The following SPTBN2 variants were observed in gnomAD, a reference collection of about 807,000 sequenced individuals.
The protein encoded by SPTBN2 is spectrin beta, non-erythrocytic 2, also known as spectrin beta chain, non-erythrocytic 2.
Under a neutral mutation model 284.2 loss-of-function variants are expected in SPTBN2, and 107 were observed. The observed-to-expected ratio is 0.38, with a 90% CI of 0.32 to 0.44. The LOEUF (loss-of-function observed/expected upper bound fraction) is 0.44, where lower values mean the gene tolerates loss of function less well. Among genes scored for constraint, SPTBN2 ranks in the 20% least tolerant of loss-of-function variants. The pLI is 1.00. For missense variants in SPTBN2, 2,569 were observed against 3,287.1 expected (o/e 0.78, Z 5.34); for synonymous variants, 1,289 against 1,354.8 (o/e 0.95, Z 1.07).
intron 7 of SPTBN2, 123 bp downstream of exon 7, chr11:66,713,968 T>C (rs1024257539): frequency 4.6e-6 from 5 of 1,082,602 alleles, no homozygotes; most frequent in African/African-American, 1.5e-5. Context: ...CTGGTTCTGC[T>C]CCGAGTGCTA....
chr11:66,686,464 G>T (rs766004746), intron 36 of SPTBN2, 24 bp from the exon 37 acceptor site: 2 of 1,613,744 alleles, frequency 1.2e-6, no homozygotes, highest in East Asian at 4.5e-5. Context: ...GAGGCCACAG[G>T]GCAGAGCTGA....
chr11:66,722,389 C>A (rs1385633318), intron 1 of SPTBN2, among the ~76,000 whole-genome samples: 2 of 149,976 alleles, frequency 1.3e-5, no homozygotes, highest in Non-Finnish European at 3.0e-5. Flanking sequence ...CCCTGGCTAA[C>A]ACGGTGAAAC....
At chr11:66,741,650 C>T (rs1370163719) in intron 1 of SPTBN2, among the ~76,000 whole-genome samples, 2 of 152,260 alleles carry the variant, frequency 1.3e-5, no homozygotes, top group African/African-American at 4.8e-5. Flanking sequence ...ATACTCAAAG[C>T]CTCCTTGGTT....
At chr11:66,689,759 C>A in intron 29 of SPTBN2, 46 bp downstream of exon 29, 1 of 1,609,932 alleles carries the variant, frequency 6.2e-7, no homozygotes, top group South Asian at 1.1e-5. Flanking sequence ...AGTCAGCGTT[C>A]AGCACTGCAC....
rs748341964 is a variant in SPTBN2 at position 66,715,932 on chromosome 11, C to A, written c.207G>T (p.Ser69=). ...QKKTFTKWVN[S]HLARVTCRVG... ...CCCGGCACGTGACCCGGGCCAGGTG[C>A]GAGTTTACCCACTTGGTGAAGGTTT... The change falls in exon 4 of 38, where the codon TCG becomes TCT. Residue 69 remains serine, a synonymous_variant. Coordinates refer to ENST00000533211, the MANE Select transcript of SPTBN2 (RefSeq NM_006946.4). The surrounding 1 kb of genome is among the most constrained non-coding windows in gnomAD (Gnocchi z 5.3). The A allele has an allele frequency of 2.2e-5, 36 of 1,613,990 alleles. No individual in the cohort carries two copies. The highest frequency in any genetic ancestry group is 3.0e-5 in the Non-Finnish European group (35 of 1,180,026).
At chr11:66,702,565 A>T (rs552722175) in intron 15 of SPTBN2, among the ~76,000 whole-genome samples, 1 of 152,326 alleles carries the variant, frequency 6.6e-6, no homozygotes, top group Admixed American at 6.5e-5. Context: ...TGCTGCGGCA[A>T]CTATTCAGCC....
Position 66,708,157 on chromosome 11 carries a change from T to G in SPTBN2, c.1334A>C (p.Gln445Pro), listed in dbSNP as rs1941667937. The G allele has an allele frequency of 6.2e-7, 1 of 1,613,028 alleles. No homozygotes were observed. Among genetic ancestry groups the G allele is most frequent in the Non-Finnish European group, 8.5e-7 (1 of 1,179,898 alleles). The stretch of plus-strand genomic sequence containing the variant: ...AAGTCCTACCTGGGACACGAGGCGC[T>G]GGTTCTCGCTGAGCCAGGTCTCCCG... ...AMRETWLSEN[Q>P]RLVSQDNFGL... The change falls in exon 12 of 38, where the codon CAG (glutamine) becomes CCG (proline). Residue 445 changes from glutamine to proline, a missense_variant. Transcript: ENST00000533211. The surrounding 1 kb of genome is among the most constrained non-coding windows in gnomAD (Gnocchi z 4.4).
rs986060123 is a variant in SPTBN2 at position 66,707,477 on chromosome 11, T to C, written c.1653+39A>G. 1.3e-6 allele frequency: 2 copies of C among 1,565,014 alleles called. No individual in the cohort carries two copies. The highest frequency in any genetic ancestry group is 1.4e-5 in the African/African-American group (1 of 74,014). ...ACCCACTGTGGGGCCCCCTCGACTC[T>C]TGATCACTCTTACCCCACCCAGCAC... is the stretch of plus-strand genomic sequence containing the variant. On this transcript the variant is annotated intron_variant, in intron 13 of 37. Coordinates refer to ENST00000533211, the MANE Select transcript of SPTBN2 (RefSeq NM_006946.4). The surrounding 1 kb of genome is among the most constrained non-coding windows in gnomAD (Gnocchi z 4.9).
upstream of SPTBN2, among the ~76,000 whole-genome samples, chr11:66,732,062 G>C (rs1435116372): frequency 6.6e-6 from 1 of 152,224 alleles, no homozygotes; most frequent in African/African-American, 2.4e-5. Flanking sequence ...ACCAGACAGA[G>C]TGGGGAATAA....
rs1941997379 is a variant in SPTBN2 at position 66,713,678 on chromosome 11, T to C, written c.725A>G (p.Asn242Ser). 1 of 1,614,146 alleles carries C rather than the reference T, an allele frequency of 6.2e-7. No homozygotes were observed. Among genetic ancestry groups the C allele is most frequent in the South Asian group, 1.1e-5 (1 of 91,078 alleles). ...AAGTCCCAGTTCCTTTTCAGCCAGA[T>C]TGAATGCATTCTGCAGATTATAGTG... is the stretch of plus-strand genomic sequence containing the variant. ...NAHYNLQNAF[N>S]LAEKELGLTK... Residue 242 changes from asparagine to serine, a missense_variant, in exon 8 of 38, where the codon AAT (asparagine) becomes AGT (serine). By Grantham distance (46) the Asn-to-Ser change is conservative. Transcript: ENST00000533211.
In SPTBN2 at chr11:66,687,768, C is replaced by G. The variant is rs1940233998; in HGVS notation, c.6501+100G>C. ...CCCAAGCTGCCTGTGAGCCTCTGCCCTCTCCCATCCCATCCCCAGTACTCC... is the reference window on the plus strand; with the variant it reads ...CCCAAGCTGCCTGTGAGCCTCTGCCGTCTCCCATCCCATCCCCAGTACTCC... On this transcript the variant is annotated intron_variant, in intron 34 of 37. Transcript: ENST00000533211. The surrounding 1 kb of genome is among the most constrained non-coding windows in gnomAD (Gnocchi z 5.2). The G allele has an allele frequency of 1.4e-5, 23 of 1,590,324 alleles. No homozygotes were observed. The South Asian group carries it at 2.4e-4, about 17-fold the overall frequency.
Position 66,691,811 on chromosome 11 carries a change from G to C in SPTBN2, c.5191-153C>G, listed in dbSNP as rs1565116809. On this transcript the variant is annotated intron_variant, in intron 26 of 37. Coordinates refer to ENST00000533211, the MANE Select transcript of SPTBN2 (RefSeq NM_006946.4). The surrounding 1 kb of genome is among the most constrained non-coding windows in gnomAD (Gnocchi z 8.0). ...TTTCTTCCCTGTGGTTAAGGAGTAG[G>C]TGCAGCTGCTTCCCACTGACCCTGT... Among the ~76,000 whole-genome samples, 1 of 152,052 alleles carries C rather than the reference G, an allele frequency of 6.6e-6. No individual in the cohort carries two copies. The highest frequency in any genetic ancestry group is 2.4e-5 in the African/African-American group (1 of 41,358).
rs1246361176 is a variant in SPTBN2, at chr11:66,693,603, C to T, written c.4594-157G>A. 6.6e-6 allele frequency among the ~76,000 whole-genome samples: 1 copy of T among 152,200 alleles called. No individual in the cohort carries two copies. Among genetic ancestry groups the T allele is most frequent in the Non-Finnish European group, 1.5e-5 (1 of 68,034 alleles). On this transcript the variant is annotated intron_variant, in intron 23 of 37. Transcript: ENST00000533211. The surrounding 1 kb of genome is among the most constrained non-coding windows in gnomAD (Gnocchi z 5.7). ...ATGGTAACACCCGTCAGCCGCCCAG[C>T]CCCCACTATCTCCTACTGAGAGGAC...
intron 3 of SPTBN2, among the ~76,000 whole-genome samples, chr11:66,717,112 C>A (rs1176492423): frequency 6.6e-6 from 1 of 151,734 alleles, no homozygotes; most frequent in African/African-American, 2.4e-5. Context: ...AACAGTGAGG[C>A]CAGGAAACAT....
At chr11:66,741,158 T>C (rs1009667611) in intron 1 of SPTBN2, among the ~76,000 whole-genome samples, 1 of 152,188 alleles carries the variant, frequency 6.6e-6, no homozygotes, top group Non-Finnish European at 1.5e-5. Context: ...AATCTCATCT[T>C]GAAGTGTAGT....
At position 66,691,792 on chromosome 11, in the gene SPTBN2, C is replaced by G. The variant is rs1940569124; in HGVS notation, c.5191-134G>C. 4.5e-6 allele frequency: 6 copies of G among 1,348,248 alleles called. No individual in the cohort carries two copies. Among genetic ancestry groups the G allele is most frequent in the Non-Finnish European group, 6.2e-6 (6 of 970,694 alleles). The allele number at this position is 1,348,248 out of a possible 1,614,324, so 83.5% of individuals were successfully genotyped here. On this transcript the variant is annotated intron_variant, in intron 26 of 37. Coordinates refer to ENST00000533211, the MANE Select transcript of SPTBN2 (RefSeq NM_006946.4). This position sits in a 1 kb window ranked among gnomAD's most constrained non-coding sequence, Gnocchi z 8.0. ...GCATGGGGGCCGGGACAGGTTTCTT[C>G]CCTGTGGTTAAGGAGTAGGTGCAGC...
At chr11:66,701,780 C>G in intron 15 of SPTBN2, 59 bp from the exon 16 acceptor site, 1 of 1,612,114 alleles carries the variant, frequency 6.2e-7, no homozygotes, top group Non-Finnish European at 8.5e-7. Context: ...CCCAGTCCAC[C>G]TAAGTCCACC....
In SPTBN2 at chr11:66,710,534, C is replaced by T. The variant is rs771614711; in HGVS notation, c.1073+48G>A. On this transcript the variant is annotated intron_variant, in intron 10 of 37. Coordinates refer to ENST00000533211, the MANE Select transcript of SPTBN2 (RefSeq NM_006946.4). The surrounding 1 kb of genome is among the most constrained non-coding windows in gnomAD (Gnocchi z 4.9). The stretch of plus-strand genomic sequence containing the variant: ...AAGGCTGTGCTAATTTAGGCTTCCT[C>T]TCGTGGGAGCACAGCTCAGGGAAGG... 1.9e-6 allele frequency: 3 copies of T among 1,595,076 alleles called. No individual in the cohort carries two copies. In the African/African-American group the frequency reaches 4.0e-5, roughly 21 times the overall value.
chr11:66,714,375 G>C lies in SPTBN2; in HGVS notation c.516C>G (p.Asn172Lys), dbSNP rs1197833233. ...IQDISVETED[N>K]KEKKSAKDAL... ...CATCCTTGGCTGACTTCTTCTCCTT[G>C]TTGTCTTCTGTCTCCACACTGATGT... Residue 172 changes from asparagine (N) to lysine (K), a missense_variant, in exon 6 of 38, where the codon AAC (asparagine) becomes AAG (lysine). By Grantham distance (94) the Asn-to-Lys change is moderately conservative (BLOSUM62 0). Transcript: ENST00000533211. 6.2e-7 allele frequency: 1 copy of C among 1,614,022 alleles called. No individual in the cohort carries two copies. The highest frequency in any genetic ancestry group is 1.7e-5 in the Admixed American group (1 of 60,030).
Sources: gnomAD v4.1 joint callset for allele counts (sites outside exome capture counted in the v4.1 genomes callset) on GRCh38, gnomAD v4.1.1 for gene constraint, Gnocchi (gnomAD v3.1) non-coding constraint, MANE v1.5 for transcripts, NCBI Gene and HGNC (gene_info 2026-07-23, HGNC 2026-07-21) for gene names.